The following PDE4D variants were observed in gnomAD, a reference collection of about 807,000 sequenced individuals.
The protein encoded by PDE4D is 3',5'-cyclic-AMP phosphodiesterase 4D.
Under a neutral mutation model 87.4 loss-of-function variants are expected in PDE4D, and 24 were observed. The ratio of observed to expected loss-of-function variants is 0.27; its 90% CI spans 0.20 to 0.39. PDE4D has a LOEUF of 0.39. Ranked by LOEUF, PDE4D falls within the 10% of genes least tolerant of loss-of-function variation. The probability of loss-of-function intolerance (pLI) is 1.00; values close to 1 mark genes in which losing one functional copy is unlikely to be tolerated. For synonymous variants in PDE4D, 384 were observed against 383.2 expected, an observed-to-expected ratio of 1.00 and a Z score of -0.02; for missense variants, 714 against 1,041.0, an observed-to-expected ratio of 0.69 and a Z score of 4.32.
intron 5 of PDE4D, among the ~76,000 whole-genome samples, chr5:59,162,944 G>T (rs1781349189): frequency 6.7e-6 from 1 of 150,112 alleles, no homozygotes; most frequent in Non-Finnish European, 1.5e-5. Context: ...TTATCTAATT[G>T]ATTTTTTTTT....
At chr5:59,218,494 A>C (rs906232209) in intron 1 of PDE4D, among the ~76,000 whole-genome samples, 6 of 152,172 alleles carry the variant, frequency 3.9e-5, no homozygotes, top group Non-Finnish European at 7.4e-5. Flanking sequence ...ACAACTTTTA[A>C]GCCATAATAT....
intron 1 of PDE4D, among the ~76,000 whole-genome samples, chr5:59,441,403 CTT>C (rs938144801): frequency 2.2e-4 from 34 of 152,264 alleles, no homozygotes; most frequent in African/African-American, 8.2e-4. Flanking sequence ...GGCCCTGAAT[CTT>C]TTTAATATGA....
At chr5:59,780,386 A>G (rs369881015) in intron 1 of PDE4D, among the ~76,000 whole-genome samples, 1 of 152,188 alleles carries the variant, frequency 6.6e-6, no homozygotes. Context: ...TCAATGTTCA[A>G]TTTTAGCTCT....
At chr5:59,659,000 C>G (rs1580218453) in intron 1 of PDE4D, among the ~76,000 whole-genome samples, 1 of 152,238 alleles carries the variant, frequency 6.6e-6, no homozygotes, top group Middle Eastern at 3.4e-3. Context: ...GCCTCTGTCT[C>G]TCTAAAACAT....
At chr5:60,293,674 A>T (rs1753122966) in intron 1 of PDE4D, among the ~76,000 whole-genome samples, 1 of 152,156 alleles carries the variant, frequency 6.6e-6, no homozygotes. Context: ...AGAACTTCCT[A>T]GAAATGGAAT....
At chr5:59,672,789 T>C (rs1211455204) in intron 1 of PDE4D, among the ~76,000 whole-genome samples, 1 of 152,082 alleles carries the variant, frequency 6.6e-6, no homozygotes, top group Non-Finnish European at 1.5e-5. Flanking sequence ...ATAAAAAAGA[T>C]AAAGGGAAGG....
intron 1 of PDE4D, among the ~76,000 whole-genome samples, chr5:59,357,805 G>A (rs771170937): frequency 2.6e-5 from 4 of 152,146 alleles, no homozygotes; most frequent in African/African-American, 4.8e-5. Flanking sequence ...TGCCGTCATC[G>A]GTCCTCACCA....
intron 1 of PDE4D, among the ~76,000 whole-genome samples, chr5:59,424,633 C>T (rs554337821): frequency 1.1e-4 from 16 of 152,250 alleles, no homozygotes; most frequent in African/African-American, 3.1e-4. Flanking sequence ...TTTCAGAGTA[C>T]TCACTCACTA....
intron 2 of PDE4D, among the ~76,000 whole-genome samples, chr5:60,045,099 A>G (rs1250811286): frequency 1.3e-5 from 2 of 151,990 alleles, no homozygotes; most frequent in Non-Finnish European, 2.9e-5. Flanking sequence ...TTTGATTTGC[A>G]TTTCTCTGAT....
chr5:59,638,334 T>C (rs1390941316), intron 1 of PDE4D, among the ~76,000 whole-genome samples: 1 of 152,152 alleles, frequency 6.6e-6, no homozygotes, highest in Non-Finnish European at 1.5e-5. Flanking sequence ...TGTATGCAAA[T>C]TGCAAAGCTA....
At chr5:60,279,500 G>C (rs1194373829) in intron 1 of PDE4D, among the ~76,000 whole-genome samples, 1 of 152,036 alleles carries the variant, frequency 6.6e-6, no homozygotes, top group African/African-American at 2.4e-5. Context: ...GGCTTTTGCA[G>C]GTATAGATGT....
At chr5:60,398,222 T>C (rs551244624) in intron 1 of PDE4D, among the ~76,000 whole-genome samples, 12 of 152,350 alleles carry the variant, frequency 7.9e-5, no homozygotes, top group Admixed American at 3.9e-4. Flanking sequence ...CTCACCATTA[T>C]TGAAGAAGGC....
At chr5:60,133,388 G>T (rs1266542619) in intron 2 of PDE4D, among the ~76,000 whole-genome samples, 1 of 151,972 alleles carries the variant, frequency 6.6e-6, no homozygotes, top group East Asian at 1.9e-4. Flanking sequence ...GAGTGCAGTG[G>T]TGTGATCTTG....
intron 1 of PDE4D, among the ~76,000 whole-genome samples, chr5:59,420,135 A>T (rs576162864): frequency 2.0e-5 from 3 of 152,314 alleles, no homozygotes; most frequent in Admixed American, 2.0e-4. Flanking sequence ...GTGAAACTGT[A>T]CTGAATTGCT....
chr5:59,071,052 A>G (rs1764708549), intron 5 of PDE4D, among the ~76,000 whole-genome samples: 1 of 152,202 alleles, frequency 6.6e-6, no homozygotes, highest in Non-Finnish European at 1.5e-5. Context: ...AATAATCTTT[A>G]TTCCATGCTC....
chr5:60,037,551 A>G (rs751902105), intron 2 of PDE4D, among the ~76,000 whole-genome samples: 30 of 152,186 alleles, frequency 2.0e-4, no homozygotes, highest in Non-Finnish European at 3.8e-4. Flanking sequence ...TTATGTGCCA[A>G]TCACTGTGCT....
chr5:59,902,745 C>T (rs1752407664), intron 3 of PDE4D, among the ~76,000 whole-genome samples: 1 of 152,100 alleles, frequency 6.6e-6, no homozygotes, highest in Admixed American at 6.6e-5. Context: ...TAGGAAGAGG[C>T]AGTAAGCCAT....
intron 1 of PDE4D, among the ~76,000 whole-genome samples, chr5:60,468,137 C>CTTTTTTTTTTTTTTTTT (rs570783072): frequency 1.8e-4 from 26 of 141,232 alleles, no homozygotes; most frequent in East Asian, 8.6e-4. Context: ...TTTCTTTTTT[C>CTTTTTTTTTTTTTTTTT]TTTTTTTTTT....
intron 5 of PDE4D, among the ~76,000 whole-genome samples, chr5:59,070,502 C>T (rs1764599944): frequency 6.6e-6 from 1 of 152,116 alleles, no homozygotes; most frequent in Non-Finnish European, 1.5e-5. Context: ...CTTATTGATA[C>T]TTCATAGCGG....
Sources: gnomAD v4.1 joint callset for allele counts (sites outside exome capture counted in the v4.1 genomes callset) on GRCh38, gnomAD v4.1.1 for gene constraint, MANE v1.5 for transcripts, NCBI Gene and HGNC (gene_info 2026-07-23, HGNC 2026-07-21) for gene names.